The following ADCY1 variants were observed in gnomAD, a reference collection of about 807,000 sequenced individuals.
ADCY1 encodes adenylate cyclase type 1.
ADCY1 carries 28 observed loss-of-function variants against 105.4 expected under a neutral mutation model. That is an observed-to-expected ratio of 0.27 (90% CI 0.20 to 0.36). The LOEUF is 0.36. Among genes scored for constraint, ADCY1 ranks in the 10% least tolerant of loss-of-function variants. The probability of loss-of-function intolerance (pLI) is 1.00; values close to 1 mark genes in which losing one functional copy is unlikely to be tolerated. For synonymous variants in ADCY1, 655 were observed against 623.8 expected, an observed-to-expected ratio of 1.05 and a Z score of -0.75; for missense variants, 977 against 1,434.2, an observed-to-expected ratio of 0.68 and a Z score of 5.15.
rs889719700 is a variant in ADCY1 at position 45,686,552 on chromosome 7, G to A, written c.2333G>A (p.Gly778Asp). 5.0e-6 allele frequency: 8 copies of A among 1,610,478 alleles called. No individual in the cohort carries two copies. The African/African-American group carries it at 6.7e-5, about 13-fold the overall frequency. ...TCTTCCTCATCTTCCCCCAGGGGTG[G>A]TGCCGTCTCCGGGCGCAGCTACGAG... ...ELSGYTRTGG[G>D]AVSGRSYEPI... is the part of the protein sequence containing the mutation. Residue 778 changes from glycine to aspartate, a missense_variant, in exon 14 of 20, where the codon GGT becomes GAT. By Grantham distance (94) the Gly-to-Asp change is moderately conservative. Transcript: ENST00000297323. This position sits in a 1 kb window ranked among gnomAD's most constrained non-coding sequence, Gnocchi z 4.3.
Position 45,575,057 on chromosome 7 carries a change from G to A in ADCY1, c.514G>A (p.Val172Met). The A allele has an allele frequency of 6.2e-7, 1 of 1,612,782 alleles. No individual in the cohort carries two copies. The highest frequency in any genetic ancestry group is 8.5e-7 in the Non-Finnish European group (1 of 1,179,910). Residue 172 changes from valine (V) to methionine (M), a missense_variant, in exon 1 of 20, where the codon GTG (valine) becomes ATG (methionine). Physicochemically the swap from Val to Met is conservative, Grantham distance 21. Coordinates refer to ENST00000297323, the MANE Select transcript of ADCY1 (RefSeq NM_021116.4). The surrounding 1 kb of genome is among the most constrained non-coding windows in gnomAD (Gnocchi z 4.7). ...TTGGCAGCTCCTTTTGGTCACCTTC[G>A]TGTCCTATGCCTTGCTGCCCGTGCG... ...GVWQLLLVTF[V>M]SYALLPVRSL...
At chr7:45,695,759 C>T (rs1562727839) in intron 14 of ADCY1, among the ~76,000 whole-genome samples, 1 of 152,232 alleles carries the variant, frequency 6.6e-6, no homozygotes, top group Non-Finnish European at 1.5e-5. Context: ...AGCAGTGTGG[C>T]AGTCACTGTG....
chr7:45,722,700 A>AGAT lies in ADCY1; in HGVS notation c.*8706_*8708dup, dbSNP rs1008766210. Reference sequence around the variant, plus strand: ...CGCCTGCGTTCTTCTGGGTTTGGCTAGATAGGGTTGTGTCCCTCTATGGAA... The same window carrying AGAT: ...CGCCTGCGTTCTTCTGGGTTTGGCTAGATGATAGGGTTGTGTCCCTCTATGGAA... On this transcript the variant is annotated 3_prime_UTR_variant, in exon 20 of 20. Coordinates refer to ENST00000297323, the MANE Select transcript of ADCY1 (RefSeq NM_021116.4). 2 of 152,526 alleles carry AGAT rather than the reference A, an allele frequency of 1.3e-5. No homozygotes were observed. Among genetic ancestry groups the AGAT allele is most frequent in the Admixed American group, 6.5e-5 (1 of 15,282 alleles). 9.4% of individuals were successfully genotyped at this position (152,526 alleles called of 1,614,324 possible).
At chr7:45,670,115 G>C (rs965308178) in intron 8 of ADCY1, among the ~76,000 whole-genome samples, 1 of 152,128 alleles carries the variant, frequency 6.6e-6, no homozygotes, top group African/African-American at 2.4e-5. Flanking sequence ...GCTTAGCCTG[G>C]TGGTTCCCCC....
intron 8 of ADCY1, among the ~76,000 whole-genome samples, chr7:45,665,772 T>C (rs1187920983): frequency 1.3e-5 from 2 of 152,186 alleles, no homozygotes; most frequent in Admixed American, 6.5e-5. Flanking sequence ...CTGGATGGCC[T>C]CCCACTGCAG....
chr7:45,586,753 C>G (rs768533044), intron 1 of ADCY1, among the ~76,000 whole-genome samples: 4 of 152,216 alleles, frequency 2.6e-5, no homozygotes, highest in Non-Finnish European at 5.9e-5. Context: ...AGAGGGACCA[C>G]TCCACCATCC....
At chr7:45,606,166 G>T (rs751411762) in intron 2 of ADCY1, among the ~76,000 whole-genome samples, 2 of 151,980 alleles carry the variant, frequency 1.3e-5, no homozygotes, top group East Asian at 1.9e-4. Flanking sequence ...GATCCCCTTG[G>T]TTCCCACTGA....
intron 2 of ADCY1, among the ~76,000 whole-genome samples, chr7:45,600,952 A>G (rs187824999): frequency 3.4e-4 from 52 of 152,282 alleles, no homozygotes; most frequent in Non-Finnish European, 5.6e-4. Flanking sequence ...TAGTCACCAC[A>G]TTGGGTTTTA....
chr7:45,711,644 T>TACACACAC (rs1554333220), intron 19 of ADCY1, among the ~76,000 whole-genome samples: 1 of 51,508 alleles, frequency 1.9e-5, no homozygotes, highest in Non-Finnish European at 4.0e-5. Flanking sequence ...TATATATATA[T>TACACACAC]ACACACACAC....
intron 8 of ADCY1, chr7:45,664,600 A>T: frequency 1.9e-6 from 2 of 1,062,372 alleles, no homozygotes; most frequent in Non-Finnish European, 2.5e-6. Flanking sequence ...AAAAGCTATC[A>T]TGAACATTTT....
intron 3 of ADCY1, among the ~76,000 whole-genome samples, chr7:45,620,843 C>T (rs1000095107): frequency 1.5e-4 from 23 of 152,178 alleles, no homozygotes; most frequent in African/African-American, 5.5e-4. Flanking sequence ...AGAGCAGCAC[C>T]TGCTGTTACC....
At chr7:45,687,332 T>C (rs577184730) in intron 14 of ADCY1, among the ~76,000 whole-genome samples, 8 of 152,322 alleles carry the variant, frequency 5.3e-5, no homozygotes, top group African/African-American at 1.4e-4. Context: ...CTGCCAGATA[T>C]TCACCTTGAG....
chr7:45,690,698 G>A (rs1344179810), intron 14 of ADCY1, among the ~76,000 whole-genome samples: 1 of 152,212 alleles, frequency 6.6e-6, no homozygotes, highest in Non-Finnish European at 1.5e-5. Flanking sequence ...AGGGAGATCT[G>A]GCCAGCTGCA....
chr7:45,610,760 A>ATGGTGGAGGCGGG, intron 3 of ADCY1, among the ~76,000 whole-genome samples: 1 of 2,364 alleles, frequency 4.2e-4, no homozygotes, highest in South Asian at 0.016. Flanking sequence ...ATGGAGGTGT[A>ATGGTGGAGGCGGG]GAGGTGATAG....
intron 18 of ADCY1, among the ~76,000 whole-genome samples, chr7:45,709,240 G>A (rs1584346953): frequency 6.6e-6 from 1 of 152,348 alleles, no homozygotes; most frequent in East Asian, 1.9e-4. Flanking sequence ...GAGTGAGCCA[G>A]CTGGGCCCTG....
At position 45,651,304 on chromosome 7, in the gene ADCY1, C is replaced by T. The variant is rs138658527; in HGVS notation, c.1148+2507C>T. Among the ~76,000 whole-genome samples, 812 of 152,276 alleles carry T rather than the reference C, an allele frequency of 5.3e-3. 6 individuals carry two copies. Among genetic ancestry groups the T allele is most frequent in the African/African-American group, 0.018 (751 of 41,552 alleles). ...GGGACCCACCAGTGTGTGCTCTGCA[C>T]GGCCGGCCTTCTGTTGGGACCATCT... On this transcript the variant is annotated intron_variant, in intron 5 of 19. Coordinates refer to ENST00000297323, the MANE Select transcript of ADCY1 (RefSeq NM_021116.4).
At chr7:45,627,951 A>G (rs1584283308) in intron 4 of ADCY1, among the ~76,000 whole-genome samples, 1 of 151,700 alleles carries the variant, frequency 6.6e-6, no homozygotes, top group Non-Finnish European at 1.5e-5. Flanking sequence ...GCTCCCCAAG[A>G]CCCCCGGCGC....
intron 8 of ADCY1, among the ~76,000 whole-genome samples, chr7:45,675,095 G>C (rs527522322): frequency 3.0e-4 from 45 of 151,818 alleles, no homozygotes; most frequent in Middle Eastern, 3.4e-3. Context: ...TTGTTTTTCT[G>C]TTTGTTCCTT....
At position 45,632,686 on chromosome 7, in the gene ADCY1, C is replaced by T. The variant is rs922778546; in HGVS notation, c.1020+9943C>T. ...TCAAGCAATCCTTCTGCTTCAGCCT[C>T]CTGAGTAGCTGGGACGACAGGCACA... On this transcript the variant is annotated intron_variant, in intron 4 of 19. Coordinates refer to ENST00000297323, the MANE Select transcript of ADCY1 (RefSeq NM_021116.4). Among the ~76,000 whole-genome samples the T allele has an allele frequency of 5.3e-5, 8 of 152,176 alleles. No homozygotes were observed. The South Asian group carries it at 1.7e-3, about 32-fold the overall frequency.
Sources: gnomAD v4.1 joint callset for allele counts (sites outside exome capture counted in the v4.1 genomes callset) on GRCh38, gnomAD v4.1.1 for gene constraint, Gnocchi (gnomAD v3.1) non-coding constraint, MANE v1.5 for transcripts, NCBI Gene and HGNC (gene_info 2026-07-23, HGNC 2026-07-21) for gene names.